Variants in TMEM266 observed in about 807,000 individuals in gnomAD.
TMEM266 encodes Hv1 related protein 1.
TMEM266 carries 33 observed loss-of-function variants against 50.5 expected under a neutral mutation model. The observed-to-expected ratio is 0.65, with a 90% CI of 0.50 to 0.87. The LOEUF (loss-of-function observed/expected upper bound fraction) is 0.87. Among genes scored for constraint, TMEM266 ranks in the 40% least tolerant of loss-of-function variants. TMEM266 has a pLI of 0.00. For missense variants in TMEM266, 655 were observed against 695.1 expected (o/e 0.94, Z 0.65); for synonymous variants, 310 against 292.3 (o/e 1.06, Z -0.62).
chr15:76,080,458 G>A (rs560245473), intron 1 of TMEM266, among the ~76,000 whole-genome samples: 4 of 150,566 alleles, frequency 2.7e-5, no homozygotes, highest in Admixed American at 2.7e-4. Flanking sequence ...CACTATGTTG[G>A]TCAGGTGGTC....
intron 1 of TMEM266, among the ~76,000 whole-genome samples, chr15:76,080,927 A>C (rs1328144994): frequency 5.7e-5 from 6 of 105,904 alleles, no homozygotes; most frequent in African/African-American, 1.6e-4. Flanking sequence ...TTTTTTTTTT[A>C]ATTTGTAGAG....
intron 9 of TMEM266, 128 bp from the exon 10 acceptor site, chr15:76,202,074 C>A: frequency 1.3e-6 from 1 of 746,892 alleles, no homozygotes; most frequent in East Asian, 2.7e-5. Context: ...GAGGCAGCTC[C>A]CGTCACACAC....
intron 1 of TMEM266, among the ~76,000 whole-genome samples, chr15:76,091,602 G>C (rs992124747): frequency 1.3e-5 from 2 of 151,974 alleles, no homozygotes; most frequent in Admixed American, 1.3e-4. Flanking sequence ...GGATCTTGAT[G>C]ATCTTTCATA....
At chr15:76,104,946 A>C (rs2037058711) in intron 1 of TMEM266, among the ~76,000 whole-genome samples, 1 of 149,212 alleles carries the variant, frequency 6.7e-6, no homozygotes, top group Non-Finnish European at 1.5e-5. Flanking sequence ...TCGGCCAGGC[A>C]CGGTGGCTCA....
Position 76,202,138 on chromosome 15 carries a change from C to G in TMEM266, c.959-64C>G. On this transcript the variant is annotated intron_variant, in intron 9 of 10. Coordinates refer to ENST00000388942, the MANE Select transcript of TMEM266 (RefSeq NM_152335.3). Reference sequence around the variant, plus strand: ...TCTCTTGTGACCGTGGGGGTGGGGACAGGAGTATAAGGGGTAGAGAATGAA... The same window carrying G: ...TCTCTTGTGACCGTGGGGGTGGGGAGAGGAGTATAAGGGGTAGAGAATGAA... 1.1e-5 allele frequency: 15 copies of G among 1,404,702 alleles called. No homozygotes were observed. The South Asian group carries it at 1.9e-4, about 18-fold the overall frequency. The allele number at this position is 1,404,702 out of a possible 1,614,324, so 87.0% of individuals were successfully genotyped here.
chr15:76,106,314 G>GC (rs1416572020), intron 1 of TMEM266, among the ~76,000 whole-genome samples: 18 of 152,026 alleles, frequency 1.2e-4, no homozygotes, highest in Admixed American at 1.1e-3. Context: ...TTCCTTAACT[G>GC]CCCCCCAAAC....
At chr15:76,163,653 G>C (rs1353987037) in intron 5 of TMEM266, among the ~76,000 whole-genome samples, 1 of 152,168 alleles carries the variant, frequency 6.6e-6, no homozygotes, top group African/African-American at 2.4e-5. Flanking sequence ...CTCCTCCCCC[G>C]AGACTGCAGG....
chr15:76,145,623 G>A (rs1040970703), intron 3 of TMEM266, among the ~76,000 whole-genome samples: 2 of 152,228 alleles, frequency 1.3e-5, no homozygotes, highest in African/African-American at 4.8e-5. Context: ...ACTCCAGTGG[G>A]ATGGGATAGT....
At chr15:76,150,737 G>A (rs1022241510) in intron 3 of TMEM266, among the ~76,000 whole-genome samples, 1 of 152,304 alleles carries the variant, frequency 6.6e-6, no homozygotes, top group Admixed American at 6.5e-5. Context: ...TTCCAGATTG[G>A]GGCTGTTTCA....
intron 1 of TMEM266, among the ~76,000 whole-genome samples, chr15:76,129,840 C>T (rs1027630459): frequency 6.6e-6 from 1 of 151,940 alleles, no homozygotes; most frequent in African/African-American, 2.4e-5. Flanking sequence ...TAATGTGTGG[C>T]CTCTTTGGCT....
chr15:76,173,702 G>A lies in TMEM266; in HGVS notation c.653-1857G>A, dbSNP rs146830662. Reference sequence around the variant, plus strand: ...AATCCCAGCATTTTGGGAGGCTGAGGCAGGCAGATCACCTGAGGGCAGGAG... The same window carrying A: ...AATCCCAGCATTTTGGGAGGCTGAGACAGGCAGATCACCTGAGGGCAGGAG... On this transcript the variant is annotated intron_variant, in intron 7 of 10. Coordinates refer to ENST00000388942, the MANE Select transcript of TMEM266 (RefSeq NM_152335.3). Among the ~76,000 whole-genome samples, 321 of 152,312 alleles carry A rather than the reference G, an allele frequency of 2.1e-3. 2 individuals are homozygous for A. The highest frequency in any genetic ancestry group is 6.9e-3 in the African/African-American group (289 of 41,584).
intron 1 of TMEM266, among the ~76,000 whole-genome samples, chr15:76,126,430 G>A (rs1214049875): frequency 2.0e-5 from 3 of 149,758 alleles, no homozygotes; most frequent in African/African-American, 7.4e-5. Flanking sequence ...TTTAAAAAGA[G>A]CTCAATAATA....
chr15:76,094,831 C>G (rs2036899929), intron 1 of TMEM266, among the ~76,000 whole-genome samples: 1 of 152,050 alleles, frequency 6.6e-6, no homozygotes, highest in Non-Finnish European at 1.5e-5. Flanking sequence ...AGGTCCTTCA[C>G]ATCCCTTGTA....
At chr15:76,169,971 G>C in intron 6 of TMEM266, 99 bp downstream of exon 6, 1 of 1,347,264 alleles carries the variant, frequency 7.4e-7, no homozygotes, top group Non-Finnish European at 1.1e-6. Flanking sequence ...CATCAAGAAG[G>C]CTGGTTCCTT....
In TMEM266 at chr15:76,076,312, C is replaced by A. The variant is rs76837927; in HGVS notation, c.-97+16296C>A. On this transcript the variant is annotated intron_variant, in intron 1 of 10. Transcript: ENST00000388942. ...TCTAGCTGAATGTTAAATATCTCAT[C>A]TTCCAGGAGACAGGCATCTAACTTT... Among the ~76,000 whole-genome samples the A allele has an allele frequency of 4.1e-3, 629 of 152,204 alleles. 12 individuals carry two copies. The highest frequency in any genetic ancestry group is 0.014 in the African/African-American group (588 of 41,458).
chr15:76,106,432 G>T (rs1349614998), intron 1 of TMEM266, among the ~76,000 whole-genome samples: 1 of 151,822 alleles, frequency 6.6e-6, no homozygotes, highest in African/African-American at 2.4e-5. Context: ...TTGTGTTTTT[G>T]GTTTTGGGGG....
chr15:76,089,275 A>AG (rs200961304), intron 1 of TMEM266, among the ~76,000 whole-genome samples: 151,557 of 151,562 alleles, frequency 1, 75,776 homozygotes, highest in Non-Finnish European at 1. Flanking sequence ...GCTCACTGCA[A>AG]CTGCCGCTCC....
rs867019234 is a variant in TMEM266 at position 76,173,057 on chromosome 15, C to T, written c.652+1926C>T. ...AGAGACGTGCTGGTGAACAGATGGG[C>T]GTTAATTTGCTACTCTTGCAAATTA... On this transcript the variant is annotated intron_variant, in intron 7 of 10. Coordinates refer to ENST00000388942, the MANE Select transcript of TMEM266 (RefSeq NM_152335.3). Among the ~76,000 whole-genome samples the T allele has an allele frequency of 2.6e-5, 4 of 152,054 alleles. No homozygotes were observed. The South Asian group carries it at 8.3e-4, about 32-fold the overall frequency.
chr15:76,146,423 C>G (rs958684249), intron 3 of TMEM266, among the ~76,000 whole-genome samples: 1 of 152,138 alleles, frequency 6.6e-6, no homozygotes, highest in African/African-American at 2.4e-5. Context: ...AAAGGCCCAG[C>G]CTGAGAGGTC....
Sources: gnomAD v4.1 joint callset for allele counts (sites outside exome capture counted in the v4.1 genomes callset) on GRCh38, gnomAD v4.1.1 for gene constraint, MANE v1.5 for transcripts, NCBI Gene and HGNC (gene_info 2026-07-23, HGNC 2026-07-21) for gene names.